Variants in ARHGAP15 observed in about 807,000 individuals in gnomAD.
ARHGAP15 encodes the protein rho GTPase-activating protein 15.
ARHGAP15 carries 51 observed loss-of-function variants against 63.7 expected under a neutral mutation model. The ratio of observed to expected loss-of-function variants is 0.80; its 90% CI spans 0.64 to 1.01. The LOEUF is 1.01. ARHGAP15 is among the 50% of genes least tolerant of loss of function. The pLI is 0.00. For missense variants in ARHGAP15, 560 were observed against 564.6 expected (o/e 0.99, Z 0.08); for synonymous variants, 191 against 193.8 (o/e 0.99, Z 0.12).
intron 6 of ARHGAP15, among the ~76,000 whole-genome samples, chr2:143,375,995 A>C (rs746407158): frequency 6.6e-6 from 1 of 152,226 alleles, no homozygotes; most frequent in Non-Finnish European, 1.5e-5. Context: ...AGAGAAAAAC[A>C]AACAAATACA....
intron 2 of ARHGAP15, among the ~76,000 whole-genome samples, chr2:143,192,829 A>T (rs1196273257): frequency 2.0e-5 from 3 of 152,160 alleles, no homozygotes; most frequent in Non-Finnish European, 4.4e-5. Flanking sequence ...ATGCAAGGCA[A>T]ATGATTTGTG....
At chr2:143,273,711 C>A (rs1194197412) in intron 6 of ARHGAP15, among the ~76,000 whole-genome samples, 1 of 152,050 alleles carries the variant, frequency 6.6e-6, no homozygotes. Context: ...TTATAAATCT[C>A]TTCTGCTAAT....
At chr2:143,469,948 ACT>A (rs1188460791) in intron 8 of ARHGAP15, among the ~76,000 whole-genome samples, 3 of 147,186 alleles carry the variant, frequency 2.0e-5, no homozygotes, top group Admixed American at 6.8e-5. Flanking sequence ...TGACTCTCTC[ACT>A]CTCTCTCTTT....
chr2:143,366,118 C>A (rs1187847716), intron 6 of ARHGAP15, among the ~76,000 whole-genome samples: 2 of 152,066 alleles, frequency 1.3e-5, no homozygotes, highest in African/African-American at 2.4e-5. Context: ...CCTTCTCTGC[C>A]TTGGTTATGG....
chr2:143,385,590 G>C (rs1040070446), intron 6 of ARHGAP15, among the ~76,000 whole-genome samples: 1 of 151,996 alleles, frequency 6.6e-6, no homozygotes, highest in Non-Finnish European at 1.5e-5. Flanking sequence ...TCTGTACTAA[G>C]GAAGGTGGAA....
chr2:143,451,440 CATT>C (rs1343818711), intron 8 of ARHGAP15, among the ~76,000 whole-genome samples: 1 of 151,802 alleles, frequency 6.6e-6, no homozygotes, highest in Admixed American at 6.6e-5. Flanking sequence ...GTAAATTTAA[CATT>C]AAAAATTATA....
At chr2:143,559,532 A>C (rs1186864462) in intron 11 of ARHGAP15, among the ~76,000 whole-genome samples, 1 of 152,226 alleles carries the variant, frequency 6.6e-6, no homozygotes, top group African/African-American at 2.4e-5. Flanking sequence ...AAGTTGTGTT[A>C]TGGAGTTTTC....
intron 6 of ARHGAP15, among the ~76,000 whole-genome samples, chr2:143,348,205 C>T (rs1008360617): frequency 6.6e-6 from 1 of 152,128 alleles, no homozygotes; most frequent in Admixed American, 6.6e-5. Flanking sequence ...GTCATACTCA[C>T]AATGCCTCAA....
At chr2:143,300,456 G>A (rs959726306) in intron 6 of ARHGAP15, among the ~76,000 whole-genome samples, 1 of 151,936 alleles carries the variant, frequency 6.6e-6, no homozygotes, top group African/African-American at 2.4e-5. Flanking sequence ...TGTATGAGTT[G>A]GTGTATCCCT....
At chr2:143,369,170 T>C (rs1686430737) in intron 6 of ARHGAP15, among the ~76,000 whole-genome samples, 1 of 152,168 alleles carries the variant, frequency 6.6e-6, no homozygotes, top group South Asian at 2.1e-4. Context: ...TTGCATACTA[T>C]GTAAGAAGGC....
chr2:143,430,722 CTTAAT>C (rs552279226), intron 6 of ARHGAP15, among the ~76,000 whole-genome samples: 4 of 152,024 alleles, frequency 2.6e-5, no homozygotes, highest in South Asian at 2.1e-4. Flanking sequence ...TTTATTTTTA[CTTAAT>C]TTAACTCAAA....
intron 13 of ARHGAP15, among the ~76,000 whole-genome samples, chr2:143,713,331 C>T (rs1160980379): frequency 6.6e-6 from 1 of 152,152 alleles, no homozygotes; most frequent in Non-Finnish European, 1.5e-5. Context: ...TTCACTATCA[C>T]AAGAATAGCA....
At chr2:143,553,326 A>G (rs1695655481) in intron 10 of ARHGAP15, among the ~76,000 whole-genome samples, 1 of 152,222 alleles carries the variant, frequency 6.6e-6, no homozygotes, top group Non-Finnish European at 1.5e-5. Flanking sequence ...TGAGCCATTC[A>G]AAGCAGGAGC....
intron 1 of ARHGAP15, among the ~76,000 whole-genome samples, chr2:143,135,085 A>G (rs1689083228): frequency 6.6e-6 from 1 of 152,210 alleles, no homozygotes; most frequent in African/African-American, 2.4e-5. Flanking sequence ...GGGTATAATC[A>G]CTGGCTCAAG....
chr2:143,635,631 G>A (rs945593483), intron 12 of ARHGAP15, among the ~76,000 whole-genome samples: 3 of 152,068 alleles, frequency 2.0e-5, no homozygotes, highest in Admixed American at 6.6e-5. Context: ...GGGGCATTCT[G>A]CTCATGTTGG....
intron 12 of ARHGAP15, among the ~76,000 whole-genome samples, chr2:143,677,525 G>A (rs888873640): frequency 2.6e-5 from 4 of 152,134 alleles, no homozygotes; most frequent in Non-Finnish European, 5.9e-5. Flanking sequence ...AGTTGGTGTG[G>A]CTAAAAGGCT....
chr2:143,560,699 G>T (rs535161760), intron 11 of ARHGAP15, among the ~76,000 whole-genome samples: 1 of 152,318 alleles, frequency 6.6e-6, no homozygotes, highest in East Asian at 1.9e-4. Context: ...TTGTTCAAGA[G>T]CTATTTGGAG....
chr2:143,253,456 T>C (rs1319122536), intron 6 of ARHGAP15, among the ~76,000 whole-genome samples: 1 of 152,086 alleles, frequency 6.6e-6, no homozygotes, highest in Admixed American at 6.6e-5. Context: ...CCTTCCTAGT[T>C]GAAATCCTAT....
intron 10 of ARHGAP15, among the ~76,000 whole-genome samples, chr2:143,522,878 G>T (rs1034218303): frequency 6.6e-6 from 1 of 152,146 alleles, no homozygotes; most frequent in Non-Finnish European, 1.5e-5. Flanking sequence ...AACACTTTGT[G>T]TAGTTTATGA....
Sources: gnomAD v4.1 joint callset for allele counts (sites outside exome capture counted in the v4.1 genomes callset) on GRCh38, gnomAD v4.1.1 for gene constraint, MANE v1.5 for transcripts, NCBI Gene and HGNC (gene_info 2026-07-23, HGNC 2026-07-21) for gene names.